KIF15: variants seen among roughly 807,000 people sequenced by gnomAD.
KIF15 encodes kinesin family member 15.
In KIF15, 140 loss-of-function variants were observed where a neutral mutation model predicts 190.6. That is an observed-to-expected ratio of 0.73 (90% CI 0.64 to 0.84). The LOEUF is 0.84. Among genes scored for constraint, KIF15 ranks in the 40% least tolerant of loss-of-function variants. KIF15 has a pLI of 0.00. For missense variants in KIF15, 1,372 were observed against 1,584.4 expected (o/e 0.87, Z 2.28); for synonymous variants, 528 against 551.3 (o/e 0.96, Z 0.59).
At chr3:44,818,400 A>G (rs1229471878) in intron 20 of KIF15, among the ~76,000 whole-genome samples, 1 of 152,190 alleles carries the variant, frequency 6.6e-6, no homozygotes, top group Admixed American at 6.5e-5. Context: ...AGCTCTTATT[A>G]TTTTGAGATA....
chr3:44,808,909 A>G (rs954890920), intron 16 of KIF15, among the ~76,000 whole-genome samples: 4 of 152,202 alleles, frequency 2.6e-5, no homozygotes, highest in African/African-American at 9.6e-5. Context: ...ATCTTTCCAT[A>G]TTAACTGGTA....
At chr3:44,830,139 G>A in intron 25 of KIF15, 64 bp downstream of exon 25, 1 of 749,656 alleles carries the variant, frequency 1.3e-6, no homozygotes, top group East Asian at 3.1e-5. Flanking sequence ...CTTTTCAAGA[G>A]TTTAACAGAT....
intron 1 of KIF15, among the ~76,000 whole-genome samples, chr3:44,764,118 G>A (rs1009845311): frequency 6.6e-6 from 1 of 152,194 alleles, no homozygotes; most frequent in Non-Finnish European, 1.5e-5. Flanking sequence ...CTGTTTTGTT[G>A]AGGTATAGCT....
intron 8 of KIF15, among the ~76,000 whole-genome samples, chr3:44,796,974 A>G (rs970398671): frequency 6.6e-5 from 10 of 152,062 alleles, no homozygotes; most frequent in Non-Finnish European, 1.3e-4. Flanking sequence ...AAACTATTAC[A>G]ATCATGAAGT....
intron 26 of KIF15, among the ~76,000 whole-genome samples, 170 bp from the exon 27 acceptor site, chr3:44,838,105 A>G (rs1438328123): frequency 1.3e-5 from 2 of 152,228 alleles, no homozygotes; most frequent in African/African-American, 4.8e-5. Context: ...AGACCTGTTC[A>G]TCTAAATATT....
At chr3:44,824,552 G>A (rs1697538875) in intron 20 of KIF15, among the ~76,000 whole-genome samples, 1 of 152,126 alleles carries the variant, frequency 6.6e-6, no homozygotes, top group Non-Finnish European at 1.5e-5. Flanking sequence ...CTTAGCATTT[G>A]TTTTAACTTC....
intron 6 of KIF15, chr3:44,862,628 C>T (rs908489603): frequency 6.6e-6 from 1 of 152,490 alleles, no homozygotes; most frequent in African/African-American, 2.4e-5. Context: ...GTTTGGGATA[C>T]TGTAGGCATA....
At chr3:44,777,771 T>C (rs1705960388) in intron 3 of KIF15, among the ~76,000 whole-genome samples, 1 of 152,096 alleles carries the variant, frequency 6.6e-6, no homozygotes. Flanking sequence ...AAAATGAAAA[T>C]AAAATGGAGG....
intron 26 of KIF15, among the ~76,000 whole-genome samples, chr3:44,833,790 G>A (rs1371905554): frequency 6.6e-6 from 1 of 152,198 alleles, no homozygotes; most frequent in South Asian, 2.1e-4. Context: ...TGAGAACTGT[G>A]TCTGGCTCCT....
At chr3:44,786,089 A>G (rs1319944582) in intron 6 of KIF15, among the ~76,000 whole-genome samples, 4 of 152,064 alleles carry the variant, frequency 2.6e-5, no homozygotes, top group Non-Finnish European at 5.9e-5. Flanking sequence ...GGTGGCGGGC[A>G]CCTGTAGTCC....
At chr3:44,799,161 T>A (rs1707135624) in intron 10 of KIF15, 1 of 424,486 alleles carries the variant, frequency 2.4e-6, no homozygotes, top group Non-Finnish European at 4.6e-6. Flanking sequence ...AAGTCACTGA[T>A]GGGACAGTGA....
intron 10 of KIF15, 88 bp from the exon 11 acceptor site, chr3:44,800,225 CA>C (rs1575609499): frequency 1.1e-5 from 13 of 1,213,480 alleles, no homozygotes; most frequent in Admixed American, 2.3e-5. Flanking sequence ...TGATGTTCAT[CA>C]CTACAAATCA....
At chr3:44,858,096 G>T (rs1236619227), downstream of KIF15, among the ~76,000 whole-genome samples, 1 of 152,216 alleles carries the variant, frequency 6.6e-6, no homozygotes, top group Non-Finnish European at 1.5e-5. Flanking sequence ...GGGTGTCAGG[G>T]TCAGTCCAGG....
intron 11 of KIF15, among the ~76,000 whole-genome samples, chr3:44,800,954 G>A (rs1386675050): frequency 2.0e-5 from 3 of 150,806 alleles, no homozygotes; most frequent in Non-Finnish European, 2.9e-5. Context: ...TTTGAAGAAC[G>A]ACTAATATGT....
rs1559558168 is a variant in KIF15 at position 44,814,981 on chromosome 3, A to C, written c.2454A>C (p.Lys818Asn). ...HSADKELSSVKLEYSSFKTNQ... is the reference protein window; with the variant it reads ...HSADKELSSVNLEYSSFKTNQ... Reference sequence around the variant, plus strand: ...CTGACAAGGAGCTTTCTTCAGTGAAATTGGAATATAGTTCATTCAAAACGA... The same window carrying C: ...CTGACAAGGAGCTTTCTTCAGTGAACTTGGAATATAGTTCATTCAAAACGA... Residue 818 changes from lysine (K) to asparagine (N), a missense_variant, in exon 20 of 35, where the codon AAA becomes AAC. Lys to Asn is a moderately conservative substitution (Grantham distance 94). Coordinates refer to ENST00000326047, the MANE Select transcript of KIF15 (RefSeq NM_020242.3). The C allele has an allele frequency of 2.5e-6, 4 of 1,613,686 alleles. No individual in the cohort carries two copies. Among genetic ancestry groups the C allele is most frequent in the Non-Finnish European group, 3.4e-6 (4 of 1,179,840 alleles).
At position 44,784,834 on chromosome 3, in the gene KIF15, C is replaced by G; in HGVS notation, c.362-11C>G. The G allele has an allele frequency of 8.1e-7, 1 of 1,232,378 alleles. No individual in the cohort carries two copies. Among genetic ancestry groups the G allele is most frequent in the South Asian group, 1.4e-5 (1 of 71,442 alleles). The allele number at this position is 1,232,378 out of a possible 1,614,324, so 76.3% of individuals were successfully genotyped here. On this transcript the variant is annotated splice_polypyrimidine_tract_variant and intron_variant, in intron 5 of 34. Transcript: ENST00000326047. Reference sequence around the variant, plus strand: ...AATAAAAATCCAGTGTTTTTTTTTTCATTTTTTTAGGACCATCTGAATCTG... The same window carrying G: ...AATAAAAATCCAGTGTTTTTTTTTTGATTTTTTTAGGACCATCTGAATCTG...
chr3:44,857,913 T>C (rs535404301), downstream of KIF15, among the ~76,000 whole-genome samples: 34 of 152,256 alleles, frequency 2.2e-4, no homozygotes, highest in Non-Finnish European at 4.7e-4. Flanking sequence ...GGGTGTCCTG[T>C]TGAGAAGATT....
chr3:44,854,774 C>T (rs577382055), downstream of KIF15, among the ~76,000 whole-genome samples: 7 of 152,310 alleles, frequency 4.6e-5, no homozygotes, highest in South Asian at 1.5e-3. Flanking sequence ...GAATCTGTTC[C>T]ATGCCTTTCT....
chr3:44,782,003 A>G (rs534660010), intron 5 of KIF15, among the ~76,000 whole-genome samples: 1 of 151,468 alleles, frequency 6.6e-6, no homozygotes, highest in Non-Finnish European at 1.5e-5. Context: ...TTTTTTTTCT[A>G]TGCTAAAGTT....
Sources: allele counts gnomAD v4.1 joint callset (sites outside exome capture counted in the v4.1 genomes callset), GRCh38; gene constraint gnomAD v4.1.1; transcripts MANE v1.5; gene names NCBI Gene and HGNC (gene_info 2026-07-23, HGNC 2026-07-21).